The following LDLRAD4 variants were observed in gnomAD, a reference collection of about 807,000 sequenced individuals.
LDLRAD4 encodes the protein low-density lipoprotein receptor class A domain-containing protein 4.
In LDLRAD4, 5 loss-of-function variants were observed where a neutral mutation model predicts 17.0. The observed-to-expected ratio is 0.29, with a 90% CI of 0.15 to 0.62. The LOEUF (loss-of-function observed/expected upper bound fraction) is 0.62. Among genes scored for constraint, LDLRAD4 ranks in the 20% least tolerant of loss-of-function variants. The probability of loss-of-function intolerance (pLI) is 0.84; values close to 1 mark genes in which losing one functional copy is unlikely to be tolerated. For missense variants in LDLRAD4, 340 were observed against 424.7 expected, an observed-to-expected ratio of 0.80 and a Z score of 1.75; for synonymous variants, 168 against 171.8, an observed-to-expected ratio of 0.98 and a Z score of 0.17.
At chr18:13,409,139 G>A (rs77867604) in intron 2 of LDLRAD4, among the ~76,000 whole-genome samples, 4,927 of 152,238 alleles carry the variant, frequency 0.032, 107 homozygotes, top group Middle Eastern at 0.095. Context: ...CCGTGACATG[G>A]TATAATCACA....
intron 3 of LDLRAD4, among the ~76,000 whole-genome samples, chr18:13,570,450 G>A (rs891357671): frequency 9.9e-5 from 15 of 152,242 alleles, no homozygotes; most frequent in Admixed American, 2.0e-4. Context: ...GGCATCCATG[G>A]CACCCGAGGC....
chr18:13,343,020 AT>A lies in LDLRAD4; in HGVS notation c.-382-44312del, dbSNP rs994205323. ...ATGTACTTTTGTGTATAGTCTGTAG[AT>A]TTTTTTTTGTGGTTACCTTGAGCAT... On this transcript the variant is annotated intron_variant, in intron 1 of 5. Transcript: ENST00000359446. 1.2e-3 allele frequency among the ~76,000 whole-genome samples: 182 copies of A among 150,952 alleles called. 1 individual carries two copies. The highest frequency in any genetic ancestry group is 7.5e-4 in the Non-Finnish European group (51 of 67,656).
intron 3 of LDLRAD4, among the ~76,000 whole-genome samples, chr18:13,459,051 C>T (rs567974540): frequency 8.6e-5 from 13 of 151,216 alleles, no homozygotes; most frequent in African/African-American, 2.2e-4. Context: ...TGGTGGCTCA[C>T]GCCTGTAATC....
At chr18:13,416,865 A>T (rs1379957494) in intron 2 of LDLRAD4, among the ~76,000 whole-genome samples, 1 of 152,190 alleles carries the variant, frequency 6.6e-6, no homozygotes, top group Non-Finnish European at 1.5e-5. Context: ...CTTACATAAT[A>T]CTCTCTGTGC....
At chr18:13,528,167 C>T (rs1471611108) in intron 3 of LDLRAD4, among the ~76,000 whole-genome samples, 4 of 152,184 alleles carry the variant, frequency 2.6e-5, no homozygotes, top group African/African-American at 7.2e-5. Flanking sequence ...AGTGGGGGCT[C>T]TTCCCCACCT....
intron 3 of LDLRAD4, among the ~76,000 whole-genome samples, chr18:13,525,174 T>C (rs2094010874): frequency 6.6e-6 from 1 of 152,194 alleles, no homozygotes; most frequent in Non-Finnish European, 1.5e-5. Flanking sequence ...GACCTGTGTG[T>C]TGAGCCCTGA....
intron 1 of LDLRAD4, among the ~76,000 whole-genome samples, chr18:13,340,950 A>C (rs979310285): frequency 2.6e-5 from 4 of 152,060 alleles, no homozygotes; most frequent in African/African-American, 9.7e-5. Context: ...TTGCATGTGG[A>C]TATTCAGTTT....
intron 1 of LDLRAD4, chr18:13,279,914 C>CT (rs2045152101): frequency 6.6e-6 from 1 of 152,266 alleles, no homozygotes; most frequent in Admixed American, 6.5e-5. Flanking sequence ...TATATTTGCT[C>CT]TGTTACTTGC....
At chr18:13,306,197 A>T (rs1227404066) in intron 1 of LDLRAD4, among the ~76,000 whole-genome samples, 2 of 152,248 alleles carry the variant, frequency 1.3e-5, no homozygotes, top group Non-Finnish European at 2.9e-5. Flanking sequence ...AGCAGCATGG[A>T]TAGGCTAACT....
intron 3 of LDLRAD4, among the ~76,000 whole-genome samples, chr18:13,566,647 C>T (rs1848354436): frequency 6.6e-6 from 1 of 152,150 alleles, no homozygotes; most frequent in Admixed American, 6.5e-5. Flanking sequence ...AGGCACGAGA[C>T]GCTGCGCCCA....
At chr18:13,388,764 C>T (rs768872470) in intron 2 of LDLRAD4, among the ~76,000 whole-genome samples, 2 of 152,326 alleles carry the variant, frequency 1.3e-5, no homozygotes, top group South Asian at 2.1e-4. Context: ...AGAGATGGAG[C>T]GCCGCTGTGG....
At chr18:13,240,713 GA>G (rs1322367803) in intron 1 of LDLRAD4, 1 of 152,320 alleles carries the variant, frequency 6.6e-6, no homozygotes, top group Non-Finnish European at 1.5e-5. Context: ...CATGGACCAG[GA>G]ACTCAGTGAT....
intron 1 of LDLRAD4, among the ~76,000 whole-genome samples, chr18:13,384,570 A>T (rs1459473967): frequency 6.6e-6 from 1 of 152,150 alleles, no homozygotes; most frequent in Admixed American, 6.5e-5. Flanking sequence ...CCTTTTCTTC[A>T]TCGTTCTTCC....
At chr18:13,528,522 G>A (rs553821645) in intron 3 of LDLRAD4, among the ~76,000 whole-genome samples, 99 of 152,102 alleles carry the variant, frequency 6.5e-4, no homozygotes, top group Non-Finnish European at 2.6e-4. Flanking sequence ...CATGTTAGCC[G>A]GGCTGGTCTC....
In LDLRAD4 at chr18:13,622,709, A is replaced by G. The variant is rs1239967988; in HGVS notation, c.336+1438A>G. On this transcript the variant is annotated intron_variant, in intron 4 of 5. Coordinates refer to ENST00000359446, the Ensembl canonical transcript of LDLRAD4. This position sits in a 1 kb window ranked among gnomAD's most constrained non-coding sequence, Gnocchi z 5.3. ...TTCTGAAGTTCTAAACACACAGTGTATGGGATTCACCTGTGTTTTGAGAGA... is the reference window on the plus strand; with the variant it reads ...TTCTGAAGTTCTAAACACACAGTGTGTGGGATTCACCTGTGTTTTGAGAGA... Among the ~76,000 whole-genome samples, 1 of 152,214 alleles carries G rather than the reference A, an allele frequency of 6.6e-6. No homozygotes were observed. Among genetic ancestry groups the G allele is most frequent in the Non-Finnish European group, 1.5e-5 (1 of 68,042 alleles).
chr18:13,335,891 G>T (rs2082078980), intron 1 of LDLRAD4, among the ~76,000 whole-genome samples: 2 of 152,094 alleles, frequency 1.3e-5, no homozygotes, highest in African/African-American at 2.4e-5. Context: ...TAATTACTTA[G>T]TCTGTGTAGT....
At position 13,398,190 on chromosome 18, in the gene LDLRAD4, A is replaced by C. The variant is rs577997673; in HGVS notation, c.40+10428A>C. 6.6e-6 allele frequency among the ~76,000 whole-genome samples: 1 copy of C among 152,362 alleles called. No individual in the cohort carries two copies. The highest frequency in any genetic ancestry group is 2.1e-4 in the South Asian group (1 of 4,830). On this transcript the variant is annotated intron_variant, in intron 2 of 5. Transcript: ENST00000359446. This position sits in a 1 kb window ranked among gnomAD's most constrained non-coding sequence, Gnocchi z 4.8. Reference sequence around the variant, plus strand: ...ACGGAGGGAGAGAGGCAGGAGGCTGAAGCGCCGAACCCAACGCAAATACTA... The same window carrying C: ...ACGGAGGGAGAGAGGCAGGAGGCTGCAGCGCCGAACCCAACGCAAATACTA...
intron 1 of LDLRAD4, among the ~76,000 whole-genome samples, chr18:13,291,123 A>G (rs968474245): frequency 3.3e-5 from 5 of 152,216 alleles, no homozygotes; most frequent in African/African-American, 1.2e-4. Context: ...ACAGCACAGT[A>G]TCTGCTCAGG....
At chr18:13,318,924 C>T (rs1280882562) in intron 1 of LDLRAD4, among the ~76,000 whole-genome samples, 1 of 152,218 alleles carries the variant, frequency 6.6e-6, no homozygotes, top group Admixed American at 6.5e-5. Flanking sequence ...TCCCTAGTGA[C>T]TCGCTGTCCC....
Sources: allele counts gnomAD v4.1 joint callset (sites outside exome capture counted in the v4.1 genomes callset), GRCh38; gene constraint gnomAD v4.1.1; non-coding constraint Gnocchi (gnomAD v3.1); transcripts MANE v1.5; gene names NCBI Gene and HGNC (gene_info 2026-07-23, HGNC 2026-07-21).